The following PTGFRN variants were observed in gnomAD, a reference collection of about 807,000 sequenced individuals.
PTGFRN encodes the protein prostaglandin F2 receptor negative regulator.
A neutral mutation model predicts 83.2 loss-of-function variants in PTGFRN; 35 were observed. That is an observed-to-expected ratio of 0.42 (90% CI 0.32 to 0.56). The LOEUF (loss-of-function observed/expected upper bound fraction) is 0.56, where lower values mean the gene tolerates loss of function less well. Ranked by LOEUF, PTGFRN falls within the 20% of genes least tolerant of loss-of-function variation. The pLI is 0.11. For synonymous variants in PTGFRN, 519 were observed against 498.6 expected, an observed-to-expected ratio of 1.04 and a Z score of -0.55; for missense variants, 1,051 against 1,179.5, an observed-to-expected ratio of 0.89 and a Z score of 1.60.
intron 1 of PTGFRN, among the ~76,000 whole-genome samples, chr1:116,931,565 T>G (rs1649804287): frequency 6.6e-6 from 1 of 151,954 alleles, no homozygotes; most frequent in Non-Finnish European, 1.5e-5. Context: ...GATGGGGTTT[T>G]GAAGTTCTGC....
intron 7 of PTGFRN, among the ~76,000 whole-genome samples, chr1:116,977,789 C>T (rs1651197970): frequency 6.6e-6 from 1 of 152,126 alleles, no homozygotes; most frequent in African/African-American, 2.4e-5. Context: ...AAAATTGACA[C>T]CCTAACATCA....
rs1036435036 is a variant in PTGFRN, at chr1:116,941,628, G to A, written c.50-87G>A. On this transcript the variant is annotated intron_variant, in intron 1 of 8. Transcript: ENST00000393203. This position sits in a 1 kb window ranked among gnomAD's most constrained non-coding sequence, Gnocchi z 5.0. Reference sequence around the variant, plus strand: ...GCTGTCACGTTTCTGCCATGCCTGTGAGCAGGAGCATCCACAGGTTTGCCA... The same window carrying A: ...GCTGTCACGTTTCTGCCATGCCTGTAAGCAGGAGCATCCACAGGTTTGCCA... 9 of 1,503,258 alleles carry A rather than the reference G, an allele frequency of 6.0e-6. No individual in the cohort carries two copies. In the East Asian group the frequency reaches 9.1e-5, roughly 15 times the overall value. 93.1% of individuals were successfully genotyped at this position (1,503,258 alleles called of 1,614,324 possible). A position where few individuals can be genotyped will look rare whatever the true frequency, so the allele number is the denominator to read the frequency against.
At chr1:116,965,381 C>G (rs1248072473) in intron 5 of PTGFRN, among the ~76,000 whole-genome samples, 1 of 152,174 alleles carries the variant, frequency 6.6e-6, no homozygotes, top group Non-Finnish European at 1.5e-5. Context: ...TCGTTGTCGC[C>G]TCAAACTCCT....
At chr1:116,932,752 A>T (rs942995544) in intron 1 of PTGFRN, among the ~76,000 whole-genome samples, 1 of 152,204 alleles carries the variant, frequency 6.6e-6, no homozygotes, top group African/African-American at 2.4e-5. Flanking sequence ...AGGGAATTTT[A>T]AGCTGTTTCT....
intron 1 of PTGFRN, among the ~76,000 whole-genome samples, chr1:116,928,361 A>G (rs550065691): frequency 6.6e-6 from 1 of 152,076 alleles, no homozygotes; most frequent in South Asian, 2.1e-4. Context: ...TGATTCCCTG[A>G]TTTTGAACAT....
intron 1 of PTGFRN, among the ~76,000 whole-genome samples, chr1:116,910,893 TTATACA>T (rs1649255338): frequency 1.3e-5 from 2 of 152,198 alleles, no homozygotes; most frequent in Non-Finnish European, 2.9e-5. Flanking sequence ...AGCTGCGTAT[TTATACA>T]CAAAGACCTA....
intron 1 of PTGFRN, among the ~76,000 whole-genome samples, chr1:116,940,694 A>G (rs1318867625): frequency 2.0e-5 from 3 of 152,226 alleles, no homozygotes; most frequent in Non-Finnish European, 4.4e-5. Context: ...GCCTTGTCCC[A>G]ATTCATAGTG....
chr1:116,915,739 C>T (rs1000183212), intron 1 of PTGFRN, among the ~76,000 whole-genome samples: 8 of 152,160 alleles, frequency 5.3e-5, no homozygotes, highest in East Asian at 1.9e-4. Context: ...GCTTGTCTGT[C>T]GATGTGTGTC....
intron 7 of PTGFRN, among the ~76,000 whole-genome samples, chr1:116,975,271 C>T (rs1651113554): frequency 6.6e-6 from 1 of 152,226 alleles, no homozygotes; most frequent in African/African-American, 2.4e-5. Context: ...GGAGGCCTGC[C>T]TGCCTCTGTA....
At chr1:116,937,531 A>C (rs1279752290) in intron 1 of PTGFRN, among the ~76,000 whole-genome samples, 1 of 152,186 alleles carries the variant, frequency 6.6e-6, no homozygotes, top group Non-Finnish European at 1.5e-5. Flanking sequence ...TAAAGACTTG[A>C]TCAGTGAAGG....
chr1:116,920,179 G>A (rs1437576948), intron 1 of PTGFRN, among the ~76,000 whole-genome samples: 1 of 152,244 alleles, frequency 6.6e-6, no homozygotes. Context: ...TTGTGTAGGC[G>A]ACTGCTGCCT....
chr1:116,944,716 GC>G lies in PTGFRN; in HGVS notation c.461del (p.Pro154ArgfsTer4). The G allele has an allele frequency of 5.7e-6, 8 of 1,412,360 alleles. No homozygotes were observed. Among genetic ancestry groups the G allele is most frequent in the Admixed American group, 3.4e-5 (1 of 29,046 alleles). The allele number at this position is 1,412,360 out of a possible 1,614,324, so 87.5% of individuals were successfully genotyped here. A position where few individuals can be genotyped will look rare whatever the true frequency, so the allele number is the denominator to read the frequency against. On this transcript the variant is annotated frameshift_variant, in exon 3 of 9. Coordinates refer to ENST00000393203, the MANE Select transcript of PTGFRN (RefSeq NM_020440.4). LOFTEE classifies it high-confidence loss of function. ...DSLHVGPSAR[P>X]PPSLSLREGE... ...CCCTGCACGTGGGCCCCAGCGCGCGGCCCCCGCCGAGCCTGAGCCTGCGGGA... is the reference window on the plus strand; with the variant it reads ...CCCTGCACGTGGGCCCCAGCGCGCGGCCCCGCCGAGCCTGAGCCTGCGGGA...
At chr1:116,937,395 GGAAGCCA>G (rs1158766231) in intron 1 of PTGFRN, among the ~76,000 whole-genome samples, 1 of 152,252 alleles carries the variant, frequency 6.6e-6, no homozygotes, top group African/African-American at 2.4e-5. Context: ...GAACAAGAAT[GGAAGCCA>G]GGAGAACAGT....
At chr1:116,933,822 T>G (rs2491109) in intron 1 of PTGFRN, among the ~76,000 whole-genome samples, 22,287 of 152,262 alleles carry the variant, frequency 0.15, 2,838 homozygotes, top group African/African-American at 0.34. Flanking sequence ...TGTTCCTTTC[T>G]CTGCCTTTCA....
chr1:116,923,213 G>A lies in PTGFRN; in HGVS notation c.49+12961G>A, dbSNP rs937519168. Among the ~76,000 whole-genome samples, 7 of 152,192 alleles carry A rather than the reference G, an allele frequency of 4.6e-5. No individual in the cohort carries two copies. Among genetic ancestry groups the A allele is most frequent in the African/African-American group, 1.7e-4 (7 of 41,454 alleles). On this transcript the variant is annotated intron_variant, in intron 1 of 8. Coordinates refer to ENST00000393203, the MANE Select transcript of PTGFRN (RefSeq NM_020440.4). The surrounding 1 kb of genome is among the most constrained non-coding windows in gnomAD (Gnocchi z 4.0). Reference sequence around the variant, plus strand: ...TCTTTGAATAATTGAATTAATGTATGTGCTTAGAAAAATGCCTATAAGGTG... The same window carrying A: ...TCTTTGAATAATTGAATTAATGTATATGCTTAGAAAAATGCCTATAAGGTG...
rs569109604 is a variant in PTGFRN at position 116,946,791 on chromosome 1, A to G, written c.832+1699A>G. ...GACAAAGGAAAATAATTATATAGAA[A>G]TCGTTATCAAAATACTTGTAAAGCA... is the stretch of plus-strand genomic sequence containing the variant. On this transcript the variant is annotated intron_variant, in intron 3 of 8. Coordinates refer to ENST00000393203, the MANE Select transcript of PTGFRN (RefSeq NM_020440.4). Among the ~76,000 whole-genome samples, 7 of 152,332 alleles carry G rather than the reference A, an allele frequency of 4.6e-5. No individual in the cohort carries two copies. In the East Asian group the frequency reaches 7.7e-4, roughly 17 times the overall value.
intron 7 of PTGFRN, 92 bp from the exon 8 acceptor site, chr1:116,984,588 A>G (rs1304939489): frequency 1.8e-5 from 23 of 1,259,812 alleles, no homozygotes; most frequent in Non-Finnish European, 2.0e-5. Context: ...TGTGCTTGCC[A>G]TACGTAGTAA....
At chr1:116,981,230 C>T (rs1252962145) in intron 7 of PTGFRN, among the ~76,000 whole-genome samples, 2 of 152,096 alleles carry the variant, frequency 1.3e-5, no homozygotes, top group Non-Finnish European at 2.9e-5. Context: ...CAGGACTGTA[C>T]CCACCTCTGC....
At chr1:116,986,441 G>C (rs1651487495) in intron 8 of PTGFRN, among the ~76,000 whole-genome samples, 1 of 152,176 alleles carries the variant, frequency 6.6e-6, no homozygotes, top group Non-Finnish European at 1.5e-5. Flanking sequence ...ATTGATTTAT[G>C]CATGGTTTTT....
Sources: gnomAD v4.1 joint callset for allele counts (sites outside exome capture counted in the v4.1 genomes callset) on GRCh38, gnomAD v4.1.1 for gene constraint, Gnocchi (gnomAD v3.1) non-coding constraint, MANE v1.5 for transcripts, NCBI Gene and HGNC (gene_info 2026-07-23, HGNC 2026-07-21) for gene names.